LHX8: variants seen among roughly 807,000 people sequenced by gnomAD.
LHX8 encodes LIM homeobox 8, also known as LIM/homeobox protein Lhx8.
A neutral mutation model predicts 40.3 loss-of-function variants in LHX8; 12 were observed. The observed-to-expected ratio is 0.30, with a 90% confidence interval of 0.19 to 0.48. The LOEUF (loss-of-function observed/expected upper bound fraction) is 0.48, where lower values mean the gene tolerates loss of function less well. LHX8 is among the 20% of genes least tolerant of loss of function. The pLI is 0.99. For missense variants in LHX8, 344 were observed against 433.7 expected, an observed-to-expected ratio of 0.79 and a Z score of 1.84; for synonymous variants, 179 against 162.0, an observed-to-expected ratio of 1.10 and a Z score of -0.80.
chr1:75,171,603 T>C, the LHX8 span, among the ~76,000 whole-genome samples: 71 of 152,230 alleles, frequency 4.7e-4, no homozygotes, highest in South Asian at 1.0e-3. Context: ...TCAGTGCTAA[T>C]AGGCATGTTC....
chr1:75,160,557 G>T, intron 8 of LHX8: 1 of 464,578 alleles, frequency 2.2e-6, no homozygotes, highest in Non-Finnish European at 3.9e-6. Flanking sequence ...AGGGTGAAGT[G>T]CAGTGAATGG....
chr1:75,189,851 A>C, the LHX8 span, among the ~76,000 whole-genome samples: 1 of 152,222 alleles, frequency 6.6e-6, no homozygotes, highest in Non-Finnish European at 1.5e-5. Flanking sequence ...TAATTCTAAC[A>C]CTAATACTGA....
upstream of LHX8, chr1:75,130,708 AG>A (rs762961820): frequency 6.2e-7 from 1 of 1,613,908 alleles, no homozygotes; most frequent in South Asian, 1.1e-5. Context: ...GCCATCTCTG[AG>A]GGGTTATGCA....
chr1:75,136,554 G>A, intron 1 of LHX8, 49 bp from the exon 2 acceptor site: 3 of 1,374,574 alleles, frequency 2.2e-6, no homozygotes, highest in Non-Finnish European at 3.0e-6. Context: ...CAGCACGCTC[G>A]GAACTTCTGA....
chr1:75,197,682 C>A, the LHX8 span, among the ~76,000 whole-genome samples: 1 of 152,114 alleles, frequency 6.6e-6, no homozygotes, highest in African/African-American at 2.4e-5. Flanking sequence ...GGTAAGCCAT[C>A]TTGTTCTGTC....
chr1:75,177,736 C>T, the LHX8 span, among the ~76,000 whole-genome samples: 1 of 152,168 alleles, frequency 6.6e-6, no homozygotes, highest in Non-Finnish European at 1.5e-5. Context: ...TGAGAGAGGG[C>T]ATCCCTGTCT....
At chr1:75,195,514 G>A in the LHX8 span, among the ~76,000 whole-genome samples, 1 of 151,970 alleles carries the variant, frequency 6.6e-6, no homozygotes, top group Non-Finnish European at 1.5e-5. Flanking sequence ...CTCAGTCATT[G>A]TGTACTCCAC....
intron 1 of LHX8, 120 bp downstream of exon 1, chr1:75,135,074 G>A: frequency 7.5e-6 from 2 of 265,760 alleles, no homozygotes; most frequent in East Asian, 1.8e-4. Flanking sequence ...TCGGCTGCCC[G>A]CGGACACTTG....
chr1:75,186,183 A>G, the LHX8 span, among the ~76,000 whole-genome samples: 5 of 152,216 alleles, frequency 3.3e-5, no homozygotes, highest in African/African-American at 1.2e-4. Context: ...TAGAACTAGA[A>G]AAAAACGATT....
At chr1:75,147,492 T>C (rs1648490509) in intron 6 of LHX8, among the ~76,000 whole-genome samples, 1 of 152,192 alleles carries the variant, frequency 6.6e-6, no homozygotes, top group Non-Finnish European at 1.5e-5. Flanking sequence ...TTAGCTACCC[T>C]GTGACAAGTG....
the LHX8 span, among the ~76,000 whole-genome samples, chr1:75,182,342 T>C: frequency 2.0e-4 from 31 of 151,860 alleles, no homozygotes; most frequent in African/African-American, 7.0e-4. Flanking sequence ...TTCTGTATTC[T>C]GTTTCATTAG....
downstream of LHX8, among the ~76,000 whole-genome samples, chr1:75,164,084 T>C (rs1177891265): frequency 6.6e-6 from 1 of 152,206 alleles, no homozygotes; most frequent in East Asian, 1.9e-4. Context: ...GACTAAAACA[T>C]ATAGTATTAC....
At chr1:75,153,072 C>T (rs1648652575) in intron 7 of LHX8, among the ~76,000 whole-genome samples, 1 of 151,934 alleles carries the variant, frequency 6.6e-6, no homozygotes, top group African/African-American at 2.4e-5. Flanking sequence ...GTTTAAATCT[C>T]CCAGTCTTTT....
chr1:75,140,986 T>C lies in LHX8; in HGVS notation c.239T>C (p.Val80Ala), dbSNP rs1298766462. 1 of 1,613,542 alleles carries C rather than the reference T, an allele frequency of 6.2e-7. No individual in the cohort carries two copies. The highest frequency in any genetic ancestry group is 8.5e-7 in the Non-Finnish European group (1 of 1,179,584). The change falls in exon 4 of 9, where the codon GTG becomes GCG. Residue 80 changes from valine to alanine, a missense_variant and splice_region_variant. This residue lies in a region of LHX8 where 147 missense variants were observed against 250.8 expected (regional missense o/e 0.59). Transcript: ENST00000356261. ...LEIVDKYLLK[V>A]NDLCWHVRCL... ...CAATGGCTTCTCTTCCCTTCACAGG[T>C]GAATGACCTATGCTGGCATGTCCGG...
chr1:75,157,269 T>G (rs1236646707), intron 8 of LHX8, among the ~76,000 whole-genome samples, 193 bp downstream of exon 8: 4 of 152,226 alleles, frequency 2.6e-5, no homozygotes, highest in Non-Finnish European at 5.9e-5. Flanking sequence ...AGGAAGAAGT[T>G]TAATACTCAC....
At chr1:75,156,123 G>C (rs939438548) in intron 7 of LHX8, among the ~76,000 whole-genome samples, 2 of 151,758 alleles carry the variant, frequency 1.3e-5, no homozygotes, top group Admixed American at 6.6e-5. Flanking sequence ...CACCTTTTCT[G>C]GGGAAGATGC....
the LHX8 span, among the ~76,000 whole-genome samples, chr1:75,198,796 A>G: frequency 4.6e-5 from 7 of 152,214 alleles, no homozygotes; most frequent in South Asian, 4.1e-4. Flanking sequence ...TTAGAAATTC[A>G]GACTTTTGTA....
intron 5 of LHX8, 97 bp downstream of exon 5, chr1:75,143,435 C>A: frequency 1.2e-6 from 1 of 839,732 alleles, no homozygotes; most frequent in African/African-American, 1.7e-5. Flanking sequence ...TTATTTTGTA[C>A]AATGTATAAG....
At chr1:75,189,794 T>G in the LHX8 span, among the ~76,000 whole-genome samples, 1 of 152,216 alleles carries the variant, frequency 6.6e-6, no homozygotes, top group Non-Finnish European at 1.5e-5. Context: ...GTGTTCTCCC[T>G]CATCATACTG....
Sources: gnomAD v4.1 joint callset for allele counts (sites outside exome capture counted in the v4.1 genomes callset) on GRCh38, gnomAD v4.1.1 for gene constraint, gnomAD v4.1.1 regional missense constraint, MANE v1.5 for transcripts, NCBI Gene and HGNC (gene_info 2026-07-23, HGNC 2026-07-21) for gene names.